The following CAPN2 variants were observed in gnomAD, a reference collection of about 807,000 sequenced individuals.
The protein encoded by CAPN2 is calpain-2 catalytic subunit.
Under a neutral mutation model 102.3 loss-of-function variants are expected in CAPN2, and 92 were observed. The ratio of observed to expected loss-of-function variants is 0.90; its 90% CI spans 0.76 to 1.07. The LOEUF is 1.07. Ranked by LOEUF, CAPN2 falls within the 50% of genes least tolerant of loss-of-function variation. CAPN2 has a pLI of 0.00. For missense variants in CAPN2, 800 were observed against 909.4 expected (o/e 0.88, Z 1.55); for synonymous variants, 340 against 355.4 (o/e 0.96, Z 0.49).
rs922846598 is a variant in CAPN2, at chr1:223,725,803, C to G, written c.307+7972C>G. 2.0e-5 allele frequency among the ~76,000 whole-genome samples: 3 copies of G among 152,228 alleles called. No individual in the cohort carries two copies. The highest frequency in any genetic ancestry group is 4.8e-5 in the African/African-American group (2 of 41,452). ...CCTTCAGTGCCAAGGAACGTGGACT[C>G]TCTCCTATCCCAGCACATACACGTG... On this transcript the variant is annotated intron_variant, in intron 2 of 20. Coordinates refer to ENST00000295006, the MANE Select transcript of CAPN2 (RefSeq NM_001748.5). The surrounding 1 kb of genome is among the most constrained non-coding windows in gnomAD (Gnocchi z 4.1).
rs3820475 is a variant in CAPN2, at chr1:223,759,903, C to T, written c.1529+422C>T. On this transcript the variant is annotated intron_variant, in intron 12 of 20. Transcript: ENST00000295006. The surrounding 1 kb of genome is among the most constrained non-coding windows in gnomAD (Gnocchi z 4.6). ...GGGTGTAAGGTGGGAACCATCTCAA[C>T]GGTTCCCACCTCCAGAACCTCTCCC... Among the ~76,000 whole-genome samples, 20,878 of 151,760 alleles carry T rather than the reference C, an allele frequency of 0.14. 1,442 individuals are homozygous for T. Among genetic ancestry groups the T allele is most frequent in the African/African-American group, 0.27 (11,028 of 41,214 alleles).
At chr1:223,724,170 G>A (rs1571786026) in intron 2 of CAPN2, among the ~76,000 whole-genome samples, 1 of 152,198 alleles carries the variant, frequency 6.6e-6, no homozygotes, top group Admixed American at 6.5e-5. Context: ...TCACACATCT[G>A]GCTTTAGCTG....
intron 1 of CAPN2, among the ~76,000 whole-genome samples, chr1:223,706,086 C>A (rs1333591508): frequency 6.6e-6 from 1 of 152,230 alleles, no homozygotes; most frequent in African/African-American, 2.4e-5. Context: ...AGCTTCGGCT[C>A]TTGCCTCCTG....
At position 223,731,651 on chromosome 1, in the gene CAPN2, C is replaced by T. The variant is rs1660338695; in HGVS notation, c.308-12449C>T. Among the ~76,000 whole-genome samples, 1 of 152,218 alleles carries T rather than the reference C, an allele frequency of 6.6e-6. No homozygotes were observed. The highest frequency in any genetic ancestry group is 1.5e-5 in the Non-Finnish European group (1 of 68,054). On this transcript the variant is annotated intron_variant, in intron 2 of 20. Coordinates refer to ENST00000295006, the MANE Select transcript of CAPN2 (RefSeq NM_001748.5). This position sits in a 1 kb window ranked among gnomAD's most constrained non-coding sequence, Gnocchi z 4.2. Reference sequence around the variant, plus strand: ...CAGGCCTGGCACGGAGCCAGGAATGCACCAACAAGGAGCCTGAGACTAGAT... The same window carrying T: ...CAGGCCTGGCACGGAGCCAGGAATGTACCAACAAGGAGCCTGAGACTAGAT...
At chr1:223,771,578 T>C (rs555029818) in intron 18 of CAPN2, 2 of 491,410 alleles carry the variant, frequency 4.1e-6, no homozygotes, top group East Asian at 7.0e-5. Context: ...AAGAAAACAC[T>C]TATGTGTCAG....
intron 11 of CAPN2, 131 bp downstream of exon 11, chr1:223,757,511 C>T (rs750150043): frequency 8.3e-5 from 79 of 954,694 alleles, no homozygotes; most frequent in Non-Finnish European, 1.2e-4. Flanking sequence ...CTGGCCACCC[C>T]TGGGGCCCTG....
At chr1:223,720,523 C>G (rs982880822) in intron 2 of CAPN2, among the ~76,000 whole-genome samples, 3 of 152,018 alleles carry the variant, frequency 2.0e-5, no homozygotes, top group African/African-American at 2.4e-5. Flanking sequence ...TGCCATGTTG[C>G]GCAGGCTGGT....
At position 223,725,905 on chromosome 1, in the gene CAPN2, G is replaced by A. The variant is rs561262290; in HGVS notation, c.307+8074G>A. On this transcript the variant is annotated intron_variant, in intron 2 of 20. Coordinates refer to ENST00000295006, the MANE Select transcript of CAPN2 (RefSeq NM_001748.5). The surrounding 1 kb of genome is among the most constrained non-coding windows in gnomAD (Gnocchi z 4.1). ...AAATGGGAACAATGACGATGTTTGC[G>A]TCCTTTCTTTTTCTTTTCCTACAAT... Among the ~76,000 whole-genome samples, 2 of 152,256 alleles carry A rather than the reference G, an allele frequency of 1.3e-5. No individual in the cohort carries two copies. Among genetic ancestry groups the A allele is most frequent in the African/African-American group, 2.4e-5 (1 of 41,542 alleles).
intron 18 of CAPN2, chr1:223,771,598 C>T: frequency 1.9e-6 from 1 of 534,294 alleles, no homozygotes; most frequent in East Asian, 3.2e-5. Context: ...GCAAAGGACA[C>T]AGGCAGGGTG....
Position 223,723,181 on chromosome 1 carries a change from G to A in CAPN2, c.307+5350G>A, listed in dbSNP as rs117556644. On this transcript the variant is annotated intron_variant, in intron 2 of 20. Transcript: ENST00000295006. ...ACAAAAAAATTACCTGGGCTTGGTG[G>A]CACATGCCTGTCGTCCCAGCTACTC... Among the ~76,000 whole-genome samples, 35 of 152,186 alleles carry A rather than the reference G, an allele frequency of 2.3e-4. No individual in the cohort carries two copies. In the East Asian group the frequency reaches 6.2e-3, roughly 27 times the overall value.
intron 20 of CAPN2, chr1:223,772,541 C>T (rs986684932): frequency 5.2e-5 from 19 of 363,012 alleles, no homozygotes; most frequent in African/African-American, 3.7e-4. Flanking sequence ...AAATGAACTC[C>T]TGATTAGCAT....
At chr1:223,772,350 G>T (rs1469112052) in intron 20 of CAPN2, 111 bp downstream of exon 20, 4 of 869,936 alleles carry the variant, frequency 4.6e-6, no homozygotes, top group Non-Finnish European at 7.6e-6. Context: ...AGAGCTCTTG[G>T]TCTGTCGGGG....
intron 4 of CAPN2, 132 bp downstream of exon 4, chr1:223,745,571 G>A: frequency 1.1e-6 from 1 of 926,932 alleles, no homozygotes; most frequent in East Asian, 2.5e-5. Flanking sequence ...AGGAGTTCGA[G>A]ACCAGCCTGG....
intron 2 of CAPN2, among the ~76,000 whole-genome samples, chr1:223,719,805 C>CGTGTGTGTGTGTGTGTGTGT (rs10556130): frequency 7.0e-5 from 10 of 143,658 alleles, no homozygotes; most frequent in African/African-American, 1.6e-4. Flanking sequence ...GGGGTGTGTG[C>CGTGTGTGTGTGTGTGTGTGT]GTGTGTGTGT....
rs760291910 is a variant in CAPN2, at chr1:223,747,170, G to A, written c.729+5G>A. On this transcript the variant is annotated splice_donor_5th_base_variant and intron_variant, in intron 5 of 20. Coordinates refer to ENST00000295006, the MANE Select transcript of CAPN2 (RefSeq NM_001748.5). The stretch of plus-strand genomic sequence containing the variant: ...CTCCTTGGCTGCTCCATCGACGTAA[G>A]TCCAGGCTGCCTTCCCTAGCCTCAC... The A allele has an allele frequency of 1.2e-6, 2 of 1,610,480 alleles. No individual in the cohort carries two copies. The highest frequency in any genetic ancestry group is 4.5e-5 in the East Asian group (2 of 44,776).
In CAPN2 at chr1:223,741,465, TATA is replaced by T. The variant is rs201544215; in HGVS notation, c.308-2634_308-2632del. Among the ~76,000 whole-genome samples, 1,210 of 146,680 alleles carry T rather than the reference TATA, an allele frequency of 8.2e-3. 47 individuals carry two copies. In the East Asian group the frequency reaches 0.1, roughly 13 times the overall value. On this transcript the variant is annotated intron_variant, in intron 2 of 20. Transcript: ENST00000295006. ...GTATATATATATATATATATATATA[TATA>T]TTTGAGAGGGAGTCTCATTCTTGTT...
At chr1:223,724,552 G>A (rs978415181) in intron 2 of CAPN2, among the ~76,000 whole-genome samples, 6 of 152,212 alleles carry the variant, frequency 3.9e-5, no homozygotes, top group Non-Finnish European at 5.9e-5. Context: ...AATGTAAATA[G>A]CCACATGTTC....
chr1:223,735,357 A>G (rs1350454709), intron 2 of CAPN2, among the ~76,000 whole-genome samples: 2 of 151,834 alleles, frequency 1.3e-5, no homozygotes, highest in African/African-American at 2.4e-5. Context: ...GTGAAACCCC[A>G]TCTCTACTAA....
intron 2 of CAPN2, among the ~76,000 whole-genome samples, chr1:223,742,472 A>G (rs1335987168): frequency 1.4e-5 from 2 of 147,132 alleles, no homozygotes; most frequent in Non-Finnish European, 3.0e-5. Context: ...AATATTACAT[A>G]TATTACATAT....
Sources: gnomAD v4.1 joint callset for allele counts (sites outside exome capture counted in the v4.1 genomes callset) on GRCh38, gnomAD v4.1.1 for gene constraint, Gnocchi (gnomAD v3.1) non-coding constraint, MANE v1.5 for transcripts, NCBI Gene and HGNC (gene_info 2026-07-23, HGNC 2026-07-21) for gene names.